PHLPP1: variants seen among roughly 807,000 people sequenced by gnomAD.
The protein encoded by PHLPP1 is PH domain and leucine rich repeat protein phosphatase 1, also known as PH domain leucine-rich repeat-containing protein phosphatase 1.
A neutral mutation model predicts 117.2 loss-of-function variants in PHLPP1; 42 were observed. That is an observed-to-expected ratio of 0.36 (90% confidence interval 0.28 to 0.46). PHLPP1 has a LOEUF of 0.46. Ranked by LOEUF, PHLPP1 falls within the 20% of genes least tolerant of loss-of-function variation. The probability of loss-of-function intolerance (pLI) is 1.00; values close to 1 mark genes in which losing one functional copy is unlikely to be tolerated. For missense variants in PHLPP1, 2,084 were observed against 2,241.9 expected, an observed-to-expected ratio of 0.93 and a Z score of 1.42; for synonymous variants, 1,042 against 970.7, an observed-to-expected ratio of 1.07 and a Z score of -1.37.
rs745311627 is a variant in PHLPP1, at chr18:62,715,698, C to T, written c.15C>T (p.Ala5=). The T allele has an allele frequency of 2.4e-4, 303 of 1,288,730 alleles. No homozygotes were observed. Among genetic ancestry groups the T allele is most frequent in the Middle Eastern group, 2.1e-3 (8 of 3,868 alleles). 79.8% of individuals were successfully genotyped at this position (1,288,730 alleles called of 1,614,324 possible). A position where few individuals can be genotyped will look rare whatever the true frequency, so the allele number is the denominator to read the frequency against. The change falls in exon 1 of 17, where the codon GCC becomes GCT. Residue 5 remains alanine, a synonymous_variant. Transcript: ENST00000262719. MEPA[A]AATVQRLPEL... ...GCCCCACTGCAATGGAGCCCGCCGC[C>T]GCGGCCACGGTACAGCGACTCCCCG...
chr18:62,893,913 G>A (rs889417188), intron 4 of PHLPP1, among the ~76,000 whole-genome samples: 3 of 152,200 alleles, frequency 2.0e-5, no homozygotes, highest in African/African-American at 7.2e-5. Flanking sequence ...AAGATGGTAA[G>A]TTCAGTTTGG....
chr18:62,922,599 C>T (rs531923012), intron 10 of PHLPP1, among the ~76,000 whole-genome samples: 6 of 152,264 alleles, frequency 3.9e-5, no homozygotes, highest in South Asian at 2.1e-4. Context: ...TAGAGTTCTA[C>T]GCTGAATCTG....
chr18:62,906,518 C>T (rs1209857864), intron 8 of PHLPP1: 6 of 141,580 alleles, frequency 4.2e-5, no homozygotes, highest in Admixed American at 2.9e-4. Context: ...CAGGGAGTTC[C>T]CTTTCCGAGT....
intron 9 of PHLPP1, among the ~76,000 whole-genome samples, chr18:62,918,447 T>TATATATATATGA (rs10530316): frequency 6.7e-6 from 1 of 149,638 alleles, no homozygotes; most frequent in African/African-American, 2.5e-5. Flanking sequence ...TATATATATA[T>TATATATATATGA]GATGAACCAC....
intron 1 of PHLPP1, among the ~76,000 whole-genome samples, chr18:62,722,898 C>T (rs1910965629): frequency 1.3e-5 from 2 of 152,254 alleles, no homozygotes; most frequent in African/African-American, 4.8e-5. Flanking sequence ...TTTTATCAAG[C>T]ATAATAACAG....
At chr18:62,971,679 T>C (rs1296694575) in intron 14 of PHLPP1, among the ~76,000 whole-genome samples, 1 of 152,156 alleles carries the variant, frequency 6.6e-6, no homozygotes, top group Non-Finnish European at 1.5e-5. Context: ...CTCTCCAGGA[T>C]TACTGACCTG....
In PHLPP1 at chr18:62,905,205, T is replaced by TC; in HGVS notation, c.2648-19_2648-18insC. ...TTTGTATAGTAATGTCTTTGTGGGG[T>TC]TTTTTTTTTTCTTCCTAGAACTTGT... is the stretch of plus-strand genomic sequence containing the variant. On this transcript the variant is annotated intron_variant, in intron 7 of 16. Coordinates refer to ENST00000262719, the MANE Select transcript of PHLPP1 (RefSeq NM_194449.4). 1 of 273,004 alleles carries TC rather than the reference T, an allele frequency of 3.7e-6. No homozygotes were observed. Among genetic ancestry groups the TC allele is most frequent in the South Asian group, 7.2e-5 (1 of 13,914 alleles). 16.9% of individuals were successfully genotyped at this position (273,004 alleles called of 1,614,324 possible). A position where few individuals can be genotyped will look rare whatever the true frequency, so the allele number is the denominator to read the frequency against.
chr18:62,966,203 C>A (rs1421693671), intron 14 of PHLPP1, among the ~76,000 whole-genome samples: 3 of 152,060 alleles, frequency 2.0e-5, no homozygotes, highest in Non-Finnish European at 2.9e-5. Flanking sequence ...ATATGTATGA[C>A]ATACTTAGAA....
rs1910250567 is a variant in PHLPP1, at chr18:62,945,349, GT to G, written c.3324+81del. 2.9e-5 allele frequency: 35 copies of G among 1,199,248 alleles called. No individual in the cohort carries two copies. The East Asian group carries it at 9.3e-4, about 32-fold the overall frequency. 74.3% of individuals were successfully genotyped at this position (1,199,248 alleles called of 1,614,324 possible). On this transcript the variant is annotated intron_variant, in intron 12 of 16. Coordinates refer to ENST00000262719, the MANE Select transcript of PHLPP1 (RefSeq NM_194449.4). ...ACTTCCTAACTCATCAACTCAGGAC[GT>G]TTGCATCTTTGTTGGATTTATTCAG... is the stretch of plus-strand genomic sequence containing the variant.
intron 1 of PHLPP1, among the ~76,000 whole-genome samples, chr18:62,717,482 A>G (rs1477807461): frequency 1.3e-5 from 2 of 152,130 alleles, no homozygotes; most frequent in Non-Finnish European, 2.9e-5. Flanking sequence ...GTTGGAAAGC[A>G]ATGTGAAAGA....
intron 4 of PHLPP1, among the ~76,000 whole-genome samples, chr18:62,887,789 G>A (rs753244405): frequency 1.6e-4 from 24 of 151,528 alleles, no homozygotes; most frequent in Non-Finnish European, 1.8e-4. Flanking sequence ...CTAGGCTGGC[G>A]TGCTGTGGTA....
rs1909417896 is a variant in PHLPP1, at chr18:62,920,106, G to A, written c.2952G>A (p.Lys984=). 6.2e-7 allele frequency: 1 copy of A among 1,613,518 alleles called. No individual in the cohort carries two copies. Among genetic ancestry groups the A allele is most frequent in the Non-Finnish European group, 8.5e-7 (1 of 1,179,716 alleles). The change falls in exon 10 of 17, where the codon AAG becomes AAA. Residue 984 remains lysine (K), a synonymous_variant. Transcript: ENST00000262719. ...LLELPPNLLM[K]ADSLRFLNAS... is the part of the protein sequence containing the mutation. ...AGCTCCCACCTAACCTTCTGATGAA[G>A]GCTGACAGGTAAAGCCATTTGTCTT... is the stretch of plus-strand genomic sequence containing the variant.
intron 1 of PHLPP1, among the ~76,000 whole-genome samples, chr18:62,774,929 A>G (rs959376197): frequency 6.6e-6 from 1 of 151,952 alleles, no homozygotes; most frequent in Non-Finnish European, 1.5e-5. Flanking sequence ...TTGCTTTTAT[A>G]GCTAATGTCT....
chr18:62,978,191 C>T lies in PHLPP1; in HGVS notation c.3985-71C>T, dbSNP rs1599150863. ...CTACAGTCGAGACAGTCGAGGGACCCGCAGGGAACCTGCACAGTTGCCGCA... is the reference window on the plus strand; with the variant it reads ...CTACAGTCGAGACAGTCGAGGGACCTGCAGGGAACCTGCACAGTTGCCGCA... On this transcript the variant is annotated intron_variant, in intron 16 of 16. Transcript: ENST00000262719. This position sits in a 1 kb window ranked among gnomAD's most constrained non-coding sequence, Gnocchi z 7.0. The T allele has an allele frequency of 6.8e-6, 6 of 882,102 alleles. No individual in the cohort carries two copies. The highest frequency in any genetic ancestry group is 2.7e-5 in the East Asian group (1 of 37,708). 54.6% of individuals were successfully genotyped at this position (882,102 alleles called of 1,614,324 possible).
At chr18:62,729,732 A>G (rs1278087168) in intron 1 of PHLPP1, among the ~76,000 whole-genome samples, 1 of 152,320 alleles carries the variant, frequency 6.6e-6, no homozygotes, top group East Asian at 1.9e-4. Flanking sequence ...ATTTGTATGT[A>G]ACAGTGCTTT....
At chr18:62,804,350 G>A (rs1190466650) in intron 1 of PHLPP1, among the ~76,000 whole-genome samples, 2 of 151,670 alleles carry the variant, frequency 1.3e-5, no homozygotes, top group African/African-American at 2.4e-5. Flanking sequence ...AAACCATATC[G>A]GGGGTGTATG....
At chr18:62,886,853 G>A (rs779135489) in intron 4 of PHLPP1, among the ~76,000 whole-genome samples, 5 of 152,292 alleles carry the variant, frequency 3.3e-5, no homozygotes, top group Non-Finnish European at 5.9e-5. Flanking sequence ...CTGCATAAAT[G>A]TTAACTTCCT....
At chr18:62,762,829 A>T (rs796817255) in intron 1 of PHLPP1, among the ~76,000 whole-genome samples, 1 of 152,264 alleles carries the variant, frequency 6.6e-6, no homozygotes, top group South Asian at 2.1e-4. Context: ...TCTAAGTAGG[A>T]TATAAATTGC....
At chr18:62,878,724 GT>G (rs1484998516) in intron 4 of PHLPP1, among the ~76,000 whole-genome samples, 1 of 151,814 alleles carries the variant, frequency 6.6e-6, no homozygotes, top group Non-Finnish European at 1.5e-5. Flanking sequence ...CTAAATAGCT[GT>G]TTTTTTCCCC....
Sources: allele counts gnomAD v4.1 joint callset (sites outside exome capture counted in the v4.1 genomes callset), GRCh38; gene constraint gnomAD v4.1.1; non-coding constraint Gnocchi (gnomAD v3.1); transcripts MANE v1.5; gene names NCBI Gene and HGNC (gene_info 2026-07-23, HGNC 2026-07-21).